The following ANKS1B variants were observed in gnomAD, a reference collection of about 807,000 sequenced individuals.
ANKS1B encodes the protein ankyrin repeat and sterile alpha motif domain containing 1B.
In ANKS1B, 36 loss-of-function variants were observed where a neutral mutation model predicts 148.3. That is an observed-to-expected ratio of 0.24 (90% CI 0.19 to 0.32). The LOEUF (loss-of-function observed/expected upper bound fraction) is 0.32, where lower values mean the gene tolerates loss of function less well. Ranked by LOEUF, ANKS1B falls within the 10% of genes least tolerant of loss-of-function variation. The probability of loss-of-function intolerance (pLI) is 1.00; values close to 1 mark genes in which losing one functional copy is unlikely to be tolerated. For missense variants in ANKS1B, 1,157 were observed against 1,542.6 expected, an observed-to-expected ratio of 0.75 and a Z score of 4.19; for synonymous variants, 542 against 560.8, an observed-to-expected ratio of 0.97 and a Z score of 0.47.
chr12:99,351,458 T>C (rs995716129), intron 12 of ANKS1B, among the ~76,000 whole-genome samples: 2 of 151,946 alleles, frequency 1.3e-5, no homozygotes, highest in Non-Finnish European at 1.5e-5. Context: ...TTGAGAGTTA[T>C]GGGAATGTTA....
intron 10 of ANKS1B, among the ~76,000 whole-genome samples, chr12:99,460,157 A>C (rs1335921880): frequency 6.6e-6 from 1 of 152,092 alleles, no homozygotes; most frequent in African/African-American, 2.4e-5. Flanking sequence ...ACAAAAATAT[A>C]AAGTGCATAA....
intron 12 of ANKS1B, among the ~76,000 whole-genome samples, chr12:99,359,700 C>G (rs1398780754): frequency 1.3e-5 from 2 of 152,056 alleles, no homozygotes; most frequent in Non-Finnish European, 2.9e-5. Context: ...GTCATTAACC[C>G]ATTTTGACCA....
chr12:99,885,259 G>A (rs2092759462), intron 1 of ANKS1B, among the ~76,000 whole-genome samples: 1 of 150,426 alleles, frequency 6.6e-6, no homozygotes, highest in South Asian at 2.1e-4. Context: ...CAGGGCCTCA[G>A]CTATGCCTTT....
At chr12:98,781,233 C>T (rs528986614) in intron 23 of ANKS1B, 30 bp from the exon 24 acceptor site, 4 of 1,458,586 alleles carry the variant, frequency 2.7e-6, no homozygotes, top group Admixed American at 3.9e-5. Context: ...GCTGTTAGAG[C>T]AGTTTGTGTT....
At chr12:99,122,062 T>C (rs937142813) in intron 15 of ANKS1B, among the ~76,000 whole-genome samples, 1 of 152,188 alleles carries the variant, frequency 6.6e-6, no homozygotes, top group South Asian at 2.1e-4. Context: ...TGGAGTCAGA[T>C]AGATGAGGGT....
intron 15 of ANKS1B, among the ~76,000 whole-genome samples, chr12:99,116,996 CTGTT>C (rs1378514989): frequency 2.6e-5 from 4 of 152,106 alleles, no homozygotes; most frequent in South Asian, 2.1e-4. Flanking sequence ...ATTTGGCTCT[CTGTT>C]TGTCTATTAT....
chr12:99,681,638 G>A (rs1172510736), intron 8 of ANKS1B, among the ~76,000 whole-genome samples: 4 of 152,168 alleles, frequency 2.6e-5, no homozygotes, highest in African/African-American at 4.8e-5. Context: ...AGAGGAAGGG[G>A]AAGAACACCA....
At chr12:99,716,939 T>A (rs1047181918) in intron 8 of ANKS1B, among the ~76,000 whole-genome samples, 1 of 152,158 alleles carries the variant, frequency 6.6e-6, no homozygotes, top group Non-Finnish European at 1.5e-5. Context: ...CTGGTCCAGC[T>A]TACAGTTTCA....
chr12:98,777,941 G>A (rs1011994078), intron 24 of ANKS1B, among the ~76,000 whole-genome samples: 5 of 152,210 alleles, frequency 3.3e-5, no homozygotes, highest in African/African-American at 1.2e-4. Flanking sequence ...CTAATTTGTG[G>A]AAGGTAGCTG....
At chr12:99,333,826 G>C (rs1027665736) in intron 12 of ANKS1B, among the ~76,000 whole-genome samples, 2 of 144,730 alleles carry the variant, frequency 1.4e-5, no homozygotes, top group Admixed American at 6.9e-5. Flanking sequence ...GGTAGGTAGG[G>C]AGATCAAAGT....
intron 19 of ANKS1B, among the ~76,000 whole-genome samples, chr12:98,816,087 C>T (rs946668733): frequency 6.6e-6 from 1 of 152,154 alleles, no homozygotes; most frequent in Admixed American, 6.5e-5. Flanking sequence ...AAAGCACATT[C>T]TTGCCTCATA....
intron 17 of ANKS1B, among the ~76,000 whole-genome samples, chr12:98,899,203 T>C (rs2099768832): frequency 6.6e-6 from 1 of 152,232 alleles, no homozygotes; most frequent in Admixed American, 6.5e-5. Flanking sequence ...TTTAACTTAA[T>C]TGTTTTGTGA....
chr12:98,755,508 C>CTGAA (rs2098216764), intron 25 of ANKS1B, among the ~76,000 whole-genome samples: 1 of 152,130 alleles, frequency 6.6e-6, no homozygotes, highest in Admixed American at 6.5e-5. Context: ...TGCTTGCTTG[C>CTGAA]TGAATGAATG....
chr12:99,908,113 C>T (rs1477864005), intron 1 of ANKS1B, among the ~76,000 whole-genome samples: 1 of 152,016 alleles, frequency 6.6e-6, no homozygotes, highest in African/African-American at 2.4e-5. Context: ...AATAATAGCA[C>T]CAATGAACTC....
In ANKS1B at chr12:99,681,225, C is replaced by T. The variant is rs185134982; in HGVS notation, c.1129-26015G>A. On this transcript the variant is annotated intron_variant, in intron 8 of 26. Transcript: ENST00000683438. ...GAAAGTGCCACCTCCTGGCTAGAGG[C>T]CAACCAACTCAAGCCATTACAGCAA... 2.2e-3 allele frequency among the ~76,000 whole-genome samples: 341 copies of T among 152,232 alleles called. 2 individuals carry two copies. The highest frequency in any genetic ancestry group is 8.0e-3 in the African/African-American group (332 of 41,546).
intron 1 of ANKS1B, among the ~76,000 whole-genome samples, chr12:99,926,265 C>T (rs2094475199): frequency 6.6e-6 from 1 of 152,174 alleles, no homozygotes; most frequent in African/African-American, 2.4e-5. Flanking sequence ...TAGCAAGTAC[C>T]ACCTTGCGAA....
At chr12:99,241,480 C>T (rs187608227) in intron 14 of ANKS1B, among the ~76,000 whole-genome samples, 45 of 152,324 alleles carry the variant, frequency 3.0e-4, no homozygotes, top group African/African-American at 9.9e-4. Flanking sequence ...CAAAGAGGAA[C>T]TGGTACCATT....
chr12:99,089,765 CT>C (rs2053418156), intron 15 of ANKS1B, among the ~76,000 whole-genome samples: 1 of 152,194 alleles, frequency 6.6e-6, no homozygotes, highest in South Asian at 2.1e-4. Context: ...AGCAACATTT[CT>C]TTATGGTGGG....
chr12:98,926,819 T>C (rs1038025180), intron 17 of ANKS1B, among the ~76,000 whole-genome samples: 30 of 146,460 alleles, frequency 2.0e-4, no homozygotes, highest in African/African-American at 7.1e-4. Flanking sequence ...TTGAGATGAA[T>C]AAATAGAAGA....
Sources: allele counts gnomAD v4.1 joint callset (sites outside exome capture counted in the v4.1 genomes callset), GRCh38; gene constraint gnomAD v4.1.1; transcripts MANE v1.5; gene names NCBI Gene and HGNC (gene_info 2026-07-23, HGNC 2026-07-21).